Variants in ERBB4 observed in about 807,000 individuals in gnomAD.
ERBB4 encodes erb-b2 receptor tyrosine kinase 4.
ERBB4 carries 42 observed loss-of-function variants against 158.0 expected under a neutral mutation model. That is an observed-to-expected ratio of 0.27 (90% CI 0.21 to 0.34). The LOEUF is 0.34. Among genes scored for constraint, ERBB4 ranks in the 10% least tolerant of loss-of-function variants. The probability of loss-of-function intolerance (pLI) is 1.00; values close to 1 mark genes in which losing one functional copy is unlikely to be tolerated. For synonymous variants in ERBB4, 583 were observed against 558.7 expected, an observed-to-expected ratio of 1.04 and a Z score of -0.61; for missense variants, 1,333 against 1,624.1, an observed-to-expected ratio of 0.82 and a Z score of 3.08.
intron 20 of ERBB4, among the ~76,000 whole-genome samples, chr2:211,514,836 T>C (rs1259705592): frequency 6.6e-6 from 1 of 152,174 alleles, no homozygotes; most frequent in African/African-American, 2.4e-5. Context: ...AACATTCCGA[T>C]GAGCATTTTC....
At chr2:212,327,709 C>CTTTTTTT in intron 1 of ERBB4, among the ~76,000 whole-genome samples, 1 of 128,776 alleles carries the variant, frequency 7.8e-6, no homozygotes, top group East Asian at 2.3e-4. Context: ...TTTAACGATT[C>CTTTTTTT]TTTTTTTTTT....
intron 1 of ERBB4, among the ~76,000 whole-genome samples, chr2:212,320,873 A>ATATTAT (rs559530113): frequency 6.7e-6 from 1 of 150,268 alleles, no homozygotes; most frequent in African/African-American, 2.4e-5. Flanking sequence ...TGACATCAAT[A>ATATTAT]TATTATTATT....
intron 3 of ERBB4, among the ~76,000 whole-genome samples, chr2:211,802,772 C>T (rs1297204953): frequency 2.7e-4 from 41 of 152,188 alleles, no homozygotes; most frequent in Non-Finnish European, 1.5e-5. Context: ...GAACCATCTG[C>T]TTGTTGGCAG....
intron 3 of ERBB4, among the ~76,000 whole-genome samples, chr2:211,867,424 G>T (rs2078237988): frequency 6.6e-6 from 1 of 152,018 alleles, no homozygotes; most frequent in African/African-American, 2.4e-5. Flanking sequence ...CATCATCCCA[G>T]ATTTAATGAT....
At chr2:211,453,728 G>A (rs1035710083) in intron 20 of ERBB4, among the ~76,000 whole-genome samples, 1 of 152,144 alleles carries the variant, frequency 6.6e-6, no homozygotes, top group Non-Finnish European at 1.5e-5. Flanking sequence ...GATAATAGAC[G>A]TATTTGGTGT....
intron 20 of ERBB4, among the ~76,000 whole-genome samples, chr2:211,545,072 C>T (rs2066907460): frequency 6.6e-6 from 1 of 152,092 alleles, no homozygotes; most frequent in East Asian, 1.9e-4. Context: ...ATATTCTAGA[C>T]TGGCCCTACA....
intron 1 of ERBB4, among the ~76,000 whole-genome samples, chr2:212,422,794 G>T (rs941792407): frequency 6.6e-6 from 1 of 152,148 alleles, no homozygotes; most frequent in Admixed American, 6.5e-5. Flanking sequence ...GAGTTACCAA[G>T]TTAGAAATTA....
At chr2:211,603,448 A>G (rs762270543) in intron 19 of ERBB4, among the ~76,000 whole-genome samples, 15 of 152,210 alleles carry the variant, frequency 9.9e-5, no homozygotes, top group Non-Finnish European at 2.2e-4. Flanking sequence ...CATAGCAATC[A>G]TACTGAAAAA....
At chr2:212,071,181 A>G (rs1459919069) in intron 2 of ERBB4, among the ~76,000 whole-genome samples, 1 of 151,978 alleles carries the variant, frequency 6.6e-6, no homozygotes, top group East Asian at 1.9e-4. Context: ...TTGACCATCT[A>G]TTGGCAGATA....
In ERBB4 at chr2:211,580,209, C is replaced by T. The variant is rs74566401; in HGVS notation, c.2302-18121G>A. Among the ~76,000 whole-genome samples the T allele has an allele frequency of 5.0e-3, 759 of 152,240 alleles. 9 individuals are homozygous for T. Among genetic ancestry groups the T allele is most frequent in the African/African-American group, 0.018 (736 of 41,540 alleles). On this transcript the variant is annotated intron_variant, in intron 19 of 27. Transcript: ENST00000342788. ...CGTTTAAGGAAAAACACAGTTGAAA[C>T]CCACAGAGTGGGAGAAAATCTTCAC...
chr2:211,474,556 G>A (rs1338206901), intron 20 of ERBB4, among the ~76,000 whole-genome samples: 1 of 151,858 alleles, frequency 6.6e-6, no homozygotes, highest in Non-Finnish European at 1.5e-5. Flanking sequence ...TCTTGCATAT[G>A]GTAGTTCCAT....
At chr2:212,327,888 A>T (rs73987362) in intron 1 of ERBB4, among the ~76,000 whole-genome samples, 3,739 of 151,670 alleles carry the variant, frequency 0.025, 155 homozygotes, top group African/African-American at 0.086. Flanking sequence ...TTGAAAAAAA[A>T]ATAAGGCATA....
rs1560347126 is a variant in ERBB4, at chr2:212,446,597, A to ATATATATG, written c.82+91851_82+91852insCATATATA. ...AACTCCCATATATATATATGTATAT[A>ATATATATG]TATATATATATATATATATATATAT... On this transcript the variant is annotated intron_variant, in intron 1 of 27. Coordinates refer to ENST00000342788, the MANE Select transcript of ERBB4 (RefSeq NM_005235.3). Among the ~76,000 whole-genome samples, 8 of 17,200 alleles carry ATATATATG rather than the reference A, an allele frequency of 4.7e-4. 1 individual carries two copies. Among genetic ancestry groups the ATATATATG allele is most frequent in the Non-Finnish European group, 7.9e-4 (8 of 10,082 alleles). 11.3% of individuals were successfully genotyped at this position (17,200 alleles called of 152,430 possible).
chr2:212,174,043 G>T (rs2081591889), intron 1 of ERBB4, among the ~76,000 whole-genome samples: 1 of 152,066 alleles, frequency 6.6e-6, no homozygotes, highest in Admixed American at 6.6e-5. Flanking sequence ...TCTCAGTAAA[G>T]GTCTGCCATT....
At position 211,712,137 on chromosome 2, in the gene ERBB4, T is replaced by C. The variant is rs771844988; in HGVS notation, c.1037A>G (p.Gln346Arg). The change falls in exon 9 of 28, where the codon CAG (glutamine) becomes CGG (arginine). Residue 346 changes from glutamine to arginine, a missense_variant. Physicochemically the swap from Gln to Arg is conservative, Grantham distance 43. This residue lies in a region of ERBB4 where 438 missense variants were observed against 586.9 expected (regional missense o/e 0.75). Coordinates refer to ENST00000342788, the MANE Select transcript of ERBB4 (RefSeq NM_005235.3). Reference protein sequence around the residue: ...GIGTGSLMSAQTVDSSNIDKF... With the variant: ...GIGTGSLMSARTVDSSNIDKF... ...GTCAATGTTACTGGAATCCACAGTC[T>C]GAGCTGACATCAATGATCCTGTGCC... 1 of 1,613,230 alleles carries C rather than the reference T, an allele frequency of 6.2e-7. No individual in the cohort carries two copies.
chr2:212,433,893 T>G (rs1457536218), intron 1 of ERBB4, among the ~76,000 whole-genome samples: 1 of 151,982 alleles, frequency 6.6e-6, no homozygotes, highest in Non-Finnish European at 1.5e-5. Context: ...ATTTTTGTCA[T>G]GCACTCTAAT....
chr2:211,759,608 C>T (rs1254633682), intron 4 of ERBB4, among the ~76,000 whole-genome samples: 1 of 152,140 alleles, frequency 6.6e-6, no homozygotes, highest in East Asian at 1.9e-4. Flanking sequence ...AGCAGGTTTA[C>T]CCACTAACTT....
intron 1 of ERBB4, among the ~76,000 whole-genome samples, chr2:212,295,468 T>C (rs1316014206): frequency 6.6e-6 from 1 of 152,054 alleles, no homozygotes; most frequent in African/African-American, 2.4e-5. Flanking sequence ...TTCTCTCTGT[T>C]TCAAATGAAA....
chr2:212,467,175 C>A (rs1574974554), intron 1 of ERBB4, among the ~76,000 whole-genome samples: 1 of 152,186 alleles, frequency 6.6e-6, no homozygotes, highest in Non-Finnish European at 1.5e-5. Flanking sequence ...AAATTTGCAA[C>A]CTGAAAATGC....
Sources: allele counts gnomAD v4.1 joint callset (sites outside exome capture counted in the v4.1 genomes callset), GRCh38; gene constraint gnomAD v4.1.1; regional missense constraint gnomAD v4.1.1; transcripts MANE v1.5; gene names NCBI Gene and HGNC (gene_info 2026-07-23, HGNC 2026-07-21).